The following CA10 variants were observed in gnomAD, a reference collection of about 807,000 sequenced individuals.
CA10 encodes carbonic anhydrase-related protein 10.
Under a neutral mutation model 44.2 loss-of-function variants are expected in CA10, and 14 were observed. The observed-to-expected ratio is 0.32, with a 90% CI of 0.21 to 0.50. The LOEUF (loss-of-function observed/expected upper bound fraction) is 0.50. Among genes scored for constraint, CA10 ranks in the 20% least tolerant of loss-of-function variants. The pLI is 0.99. For missense variants in CA10, 350 were observed against 409.7 expected (o/e 0.85, Z 1.26); for synonymous variants, 159 against 141.6 (o/e 1.12, Z -0.87).
chr17:52,029,560 T>A (rs150563369), intron 2 of CA10, among the ~76,000 whole-genome samples: 34 of 143,204 alleles, frequency 2.4e-4, no homozygotes, highest in African/African-American at 8.0e-4. Context: ...GCTCAACCTC[T>A]CAAGGCGAAG....
At chr17:51,854,652 G>A (rs1377070573) in intron 3 of CA10, among the ~76,000 whole-genome samples, 2 of 152,132 alleles carry the variant, frequency 1.3e-5, no homozygotes, top group East Asian at 1.9e-4. Flanking sequence ...GAGGCATCAA[G>A]TCTTGGTTCC....
intron 1 of CA10, among the ~76,000 whole-genome samples, chr17:52,105,041 G>T (rs879046911): frequency 1.3e-5 from 2 of 152,116 alleles, no homozygotes; most frequent in African/African-American, 4.8e-5. Flanking sequence ...AGGGATTCTG[G>T]TTCCATTAGG....
chr17:51,975,416 C>T (rs1048363562), intron 2 of CA10, among the ~76,000 whole-genome samples: 3 of 152,182 alleles, frequency 2.0e-5, no homozygotes, highest in Admixed American at 1.3e-4. Context: ...AAGTGACTCA[C>T]GCCTGTAATC....
intron 3 of CA10, among the ~76,000 whole-genome samples, chr17:51,801,114 C>G (rs1432805691): frequency 1.3e-5 from 2 of 152,216 alleles, no homozygotes; most frequent in Non-Finnish European, 2.9e-5. Context: ...CATCTTCTCT[C>G]TCTCCTATGA....
chr17:51,754,404 T>TG (rs1905008839), intron 3 of CA10, among the ~76,000 whole-genome samples: 1 of 10,002 alleles, frequency 1.0e-4, no homozygotes. Flanking sequence ...GTGTGTGATA[T>TG]ATATATATAT....
chr17:51,983,560 TA>T (rs1391675952), intron 2 of CA10, among the ~76,000 whole-genome samples: 1 of 151,602 alleles, frequency 6.6e-6, no homozygotes, highest in Non-Finnish European at 1.5e-5. Flanking sequence ...TACAAAAAAA[TA>T]AAAAAGGTGT....
At chr17:51,768,337 T>C (rs1298127880) in intron 3 of CA10, among the ~76,000 whole-genome samples, 2 of 152,188 alleles carry the variant, frequency 1.3e-5, no homozygotes, top group Non-Finnish European at 2.9e-5. Context: ...TCCATCACTG[T>C]CTTCTTTCAA....
intron 3 of CA10, among the ~76,000 whole-genome samples, chr17:51,756,463 G>T (rs1252853848): frequency 7.0e-6 from 1 of 143,780 alleles, no homozygotes. Context: ...CTGGGGAAAT[G>T]AGGTAGTTGT....
chr17:51,729,256 G>C (rs1487740932), intron 4 of CA10, among the ~76,000 whole-genome samples: 1 of 152,150 alleles, frequency 6.6e-6, no homozygotes, highest in Non-Finnish European at 1.5e-5. Flanking sequence ...TGGAGAAACT[G>C]TTCTCCTTTT....
chr17:51,821,702 C>G (rs1437722216), intron 3 of CA10, among the ~76,000 whole-genome samples: 1 of 152,008 alleles, frequency 6.6e-6, no homozygotes, highest in African/African-American at 2.4e-5. Flanking sequence ...GAAGTCCTCA[C>G]AAGGTTCTGG....
rs144991738 is a variant in CA10, at chr17:52,109,799, A to G, written c.62-37406T>C. 3.7e-3 allele frequency among the ~76,000 whole-genome samples: 565 copies of G among 152,336 alleles called. 3 individuals are homozygous for G. The highest frequency in any genetic ancestry group is 0.029 in the South Asian group (138 of 4,830). ...CCAAAAGATAGGAACAGGAGCATTG[A>G]CAGTGTGTTTCATGACTTTCAGGCA... On this transcript the variant is annotated intron_variant, in intron 1 of 8. Coordinates refer to ENST00000451037, the MANE Select transcript of CA10 (RefSeq NM_020178.5).
rs1462499260 is a variant in CA10, at chr17:51,820,415, C to T, written c.280-72597G>A. ...CCTGGGGATTCCCCTACCCCCCCCC[C>T]CCCGCCCGCCGATTTTCCTGTACAA... On this transcript the variant is annotated intron_variant, in intron 3 of 8. Coordinates refer to ENST00000451037, the MANE Select transcript of CA10 (RefSeq NM_020178.5). Among the ~76,000 whole-genome samples the T allele has an allele frequency of 2.5e-4, 24 of 97,388 alleles. 1 individual carries two copies. Among genetic ancestry groups the T allele is most frequent in the East Asian group, 3.9e-4 (1 of 2,562 alleles). 63.9% of individuals were successfully genotyped at this position (97,388 alleles called of 152,430 possible). A position where few individuals can be genotyped will look rare whatever the true frequency, so the allele number is the denominator to read the frequency against.
intron 3 of CA10, among the ~76,000 whole-genome samples, chr17:51,795,618 G>A (rs1227271361): frequency 6.6e-6 from 1 of 152,178 alleles, no homozygotes; most frequent in African/African-American, 2.4e-5. Context: ...GAACAAAGGT[G>A]CCTTTGGTGC....
chr17:51,767,411 C>T (rs1905425388), intron 3 of CA10, among the ~76,000 whole-genome samples: 1 of 152,206 alleles, frequency 6.6e-6, no homozygotes, highest in Non-Finnish European at 1.5e-5. Flanking sequence ...AGATAGTACA[C>T]AGATTTCCAT....
At chr17:51,665,687 G>A (rs1485331748) in intron 4 of CA10, among the ~76,000 whole-genome samples, 1 of 152,164 alleles carries the variant, frequency 6.6e-6, no homozygotes, top group Non-Finnish European at 1.5e-5. Context: ...TTACCGTACT[G>A]AATACCATAG....
intron 3 of CA10, among the ~76,000 whole-genome samples, chr17:51,906,284 C>T (rs1334964415): frequency 6.6e-6 from 1 of 152,004 alleles, no homozygotes; most frequent in East Asian, 1.9e-4. Context: ...AGGTTTTTCC[C>T]CCCGGTATTC....
chr17:51,872,562 A>G (rs750636122), intron 3 of CA10, among the ~76,000 whole-genome samples: 3 of 152,184 alleles, frequency 2.0e-5, no homozygotes, highest in African/African-American at 4.8e-5. Context: ...AGACATCTCA[A>G]TACATGTCAG....
At chr17:51,761,264 G>T (rs757772816) in intron 3 of CA10, 1 of 152,120 alleles carries the variant, frequency 6.6e-6, no homozygotes, top group Non-Finnish European at 1.5e-5. Flanking sequence ...CTTTTTGAGT[G>T]TGTGATTCAT....
intron 2 of CA10, chr17:52,070,669 T>C (rs1326208067): frequency 6.6e-6 from 1 of 152,216 alleles, no homozygotes; most frequent in Non-Finnish European, 1.5e-5. Context: ...GAGGAAAAGT[T>C]ATTTTATATC....
Sources: allele counts gnomAD v4.1 joint callset (sites outside exome capture counted in the v4.1 genomes callset), GRCh38; gene constraint gnomAD v4.1.1; transcripts MANE v1.5; gene names NCBI Gene and HGNC (gene_info 2026-07-23, HGNC 2026-07-21).